The following TBL1X variants were observed in gnomAD, a reference collection of about 807,000 sequenced individuals.
TBL1X encodes transducin beta like 1 X-linked.
TBL1X carries 10 observed loss-of-function variants against 50.7 expected under a neutral mutation model. The ratio of observed to expected loss-of-function variants is 0.20; its 90% confidence interval spans 0.12 to 0.33. TBL1X has a LOEUF of 0.33. Ranked by LOEUF, TBL1X falls within the 10% of genes least tolerant of loss-of-function variation. The probability of loss-of-function intolerance (pLI) is 1.00; values close to 1 mark genes in which losing one functional copy is unlikely to be tolerated. For missense variants in TBL1X, 340 were observed against 504.4 expected, an observed-to-expected ratio of 0.67 and a Z score of 3.12; for synonymous variants, 190 against 214.7, an observed-to-expected ratio of 0.88 and a Z score of 1.01.
At chrX:9,556,210 C>CA (rs56824855) in intron 2 of TBL1X, among the ~76,000 whole-genome samples, 2,759 of 102,038 alleles carry the variant, frequency 0.027, 65 homozygotes, top group African/African-American at 0.084. Flanking sequence ...CAAAACAAAA[C>CA]AAAAAAAACA....
intron 2 of TBL1X, among the ~76,000 whole-genome samples, chrX:9,508,467 G>C (rs930932288): frequency 8.9e-6 from 1 of 112,189 alleles, no homozygotes; most frequent in Non-Finnish European, 1.9e-5. Context: ...GGGGAAATAG[G>C]AATGCTTTTA....
At chrX:9,606,473 G>A (rs2082583976) in intron 2 of TBL1X, among the ~76,000 whole-genome samples, 2 of 111,588 alleles carry the variant, frequency 1.8e-5, no homozygotes, top group Admixed American at 9.5e-5. Context: ...TTAGAAAGTA[G>A]TGTTACTGCA....
intron 7 of TBL1X, among the ~76,000 whole-genome samples, chrX:9,688,587 G>T (rs1018104218): frequency 8.1e-4 from 91 of 112,698 alleles, no homozygotes; most frequent in African/African-American, 2.9e-3. Flanking sequence ...GACACCTTTA[G>T]TCTCAGCCTC....
At chrX:9,553,824 A>G (rs2146993198) in intron 2 of TBL1X, among the ~76,000 whole-genome samples, 2 of 112,366 alleles carry the variant, frequency 1.8e-5, no homozygotes, top group South Asian at 7.5e-4. Flanking sequence ...ATAAAGGAAT[A>G]TATTCATAGA....
At chrX:9,562,888 G>T (rs1419193161) in intron 2 of TBL1X, among the ~76,000 whole-genome samples, 1 of 112,127 alleles carries the variant, frequency 8.9e-6, no homozygotes, top group Admixed American at 9.5e-5. Context: ...CCAGTCATTC[G>T]AATGGAACAG....
rs556848334 is a variant in TBL1X, at chrX:9,650,374, A to G, written c.-42-3171A>G. 7.2e-5 allele frequency among the ~76,000 whole-genome samples: 8 copies of G among 111,762 alleles called. No homozygotes were observed. In the South Asian group the frequency reaches 1.1e-3, roughly 16 times the overall value. On this transcript the variant is annotated intron_variant, in intron 3 of 17. Coordinates refer to ENST00000645353, the MANE Select transcript of TBL1X (RefSeq NM_005647.4). ...TTTTTTCCCCCAGAGTAAAAGAGGA[A>G]AGGAGCTAGGCATGGCAAACAAGAA...
chrX:9,712,894 A>G (rs2083256293), intron 16 of TBL1X, among the ~76,000 whole-genome samples: 1 of 111,143 alleles, frequency 9.0e-6, no homozygotes, highest in African/African-American at 3.3e-5. Flanking sequence ...AGGTGATAAT[A>G]TGCTAGGAGC....
intron 2 of TBL1X, among the ~76,000 whole-genome samples, chrX:9,532,213 C>G (rs1266792422): frequency 9.0e-6 from 1 of 111,717 alleles, no homozygotes; most frequent in Non-Finnish European, 1.9e-5. Context: ...CTGGGAGCCC[C>G]TGCCCCAGGA....
chrX:9,492,950 A>G (rs951380349), intron 1 of TBL1X, among the ~76,000 whole-genome samples: 26 of 106,619 alleles, frequency 2.4e-4, no homozygotes, highest in African/African-American at 6.6e-4. Flanking sequence ...GCTGGAAGAC[A>G]TGCTTTTGAG....
intron 2 of TBL1X, among the ~76,000 whole-genome samples, chrX:9,620,568 G>GGAT (rs1211134274): frequency 8.9e-6 from 1 of 112,172 alleles, no homozygotes; most frequent in Admixed American, 9.5e-5. Context: ...AGGAAGAGAT[G>GGAT]GATGAACCGA....
chrX:9,636,071 A>G (rs188587048), intron 2 of TBL1X, among the ~76,000 whole-genome samples: 75 of 112,227 alleles, frequency 6.7e-4, no homozygotes, highest in South Asian at 3.7e-3. Flanking sequence ...CACATATTGT[A>G]TGATCTCATT....
chrX:9,685,965 C>T (rs1692348775), intron 6 of TBL1X, among the ~76,000 whole-genome samples: 1 of 111,375 alleles, frequency 9.0e-6, no homozygotes, highest in South Asian at 3.8e-4. Flanking sequence ...CGCGATCCTC[C>T]CGCCTTGGCC....
At chrX:9,622,565 C>T (rs1000714212) in intron 2 of TBL1X, among the ~76,000 whole-genome samples, 2 of 111,995 alleles carry the variant, frequency 1.8e-5, no homozygotes, top group Admixed American at 9.4e-5. Context: ...AAGCAATTCT[C>T]CTGCCTCAGC....
chrX:9,594,075 C>G (rs1018165721), intron 2 of TBL1X, among the ~76,000 whole-genome samples: 8 of 112,662 alleles, frequency 7.1e-5, no homozygotes, highest in African/African-American at 2.6e-4. Context: ...AAACAGGATG[C>G]AGGGAGGCTG....
chrX:9,520,813 C>T (rs903088494), intron 2 of TBL1X, among the ~76,000 whole-genome samples: 1 of 110,950 alleles, frequency 9.0e-6, no homozygotes, highest in South Asian at 3.9e-4. Flanking sequence ...TTCTAGAGGC[C>T]AGGCATGGTG....
intron 3 of TBL1X, among the ~76,000 whole-genome samples, chrX:9,652,204 T>C (rs1333717783): frequency 1.8e-5 from 2 of 112,115 alleles, no homozygotes; most frequent in African/African-American, 3.2e-5. Flanking sequence ...GTGGTGTTAA[T>C]AATCACAGGA....
chrX:9,477,612 A>T (rs924630597), intron 1 of TBL1X, among the ~76,000 whole-genome samples: 1 of 112,122 alleles, frequency 8.9e-6, no homozygotes, highest in Non-Finnish European at 1.9e-5. Context: ...GAGATATGTC[A>T]TTTAACTTAG....
intron 7 of TBL1X, among the ~76,000 whole-genome samples, chrX:9,689,007 CGT>C (rs2083079918): frequency 9.0e-6 from 1 of 110,584 alleles, no homozygotes; most frequent in South Asian, 3.5e-4. Flanking sequence ...CATGCGTGTG[CGT>C]GTATGTGTGC....
intron 1 of TBL1X, among the ~76,000 whole-genome samples, chrX:9,481,093 T>C (rs2081879857): frequency 8.9e-6 from 1 of 111,746 alleles, no homozygotes; most frequent in Admixed American, 9.6e-5. Flanking sequence ...TGTTTTACTT[T>C]GGTTATTTTC....
Sources: allele counts gnomAD v4.1 joint callset (sites outside exome capture counted in the v4.1 genomes callset), GRCh38; gene constraint gnomAD v4.1.1; transcripts MANE v1.5; gene names NCBI Gene and HGNC (gene_info 2026-07-23, HGNC 2026-07-21).